Variants in PIK3C2G observed in about 807,000 individuals in gnomAD.
PIK3C2G encodes phosphatidylinositol 3-kinase C2 domain-containing subunit gamma.
Under a neutral mutation model 181.1 loss-of-function variants are expected in PIK3C2G, and 168 were observed. The observed-to-expected ratio is 0.93, with a 90% CI of 0.82 to 1.05. The LOEUF (loss-of-function observed/expected upper bound fraction) is 1.05. Ranked by LOEUF, PIK3C2G falls within the 50% of genes least tolerant of loss-of-function variation. The pLI is 0.00. For missense variants in PIK3C2G, 1,869 were observed against 1,732.8 expected (o/e 1.08, Z -1.40); for synonymous variants, 573 against 592.2 (o/e 0.97, Z 0.47).
chr12:18,670,905 G>T, the PIK3C2G span, among the ~76,000 whole-genome samples: 1 of 152,040 alleles, frequency 6.6e-6, no homozygotes, highest in African/African-American at 2.4e-5. Flanking sequence ...AGTTTCGGCC[G>T]GGCACAGTGG....
intron 14 of PIK3C2G, among the ~76,000 whole-genome samples, chr12:18,383,054 C>T (rs185042222): frequency 1.4e-4 from 21 of 152,162 alleles, no homozygotes; most frequent in African/African-American, 3.6e-4. Context: ...ACTCCACACA[C>T]GATATCTTAT....
chr12:18,550,890 C>T (rs1944694902), intron 26 of PIK3C2G, among the ~76,000 whole-genome samples: 1 of 152,020 alleles, frequency 6.6e-6, no homozygotes, highest in African/African-American at 2.4e-5. Flanking sequence ...AAGGGCTGCC[C>T]CTCTTGACCC....
At chr12:18,302,884 T>G (rs900565750) in intron 5 of PIK3C2G, among the ~76,000 whole-genome samples, 1 of 152,054 alleles carries the variant, frequency 6.6e-6, no homozygotes, top group Non-Finnish European at 1.5e-5. Flanking sequence ...CTAAGTCTTT[T>G]GTCAGGCTTC....
At chr12:18,359,640 G>A (rs371809217) in intron 11 of PIK3C2G, among the ~76,000 whole-genome samples, 8 of 152,188 alleles carry the variant, frequency 5.3e-5, no homozygotes, top group African/African-American at 1.9e-4. Flanking sequence ...CTGACGTTGG[G>A]TACAGATATA....
chr12:18,481,583 T>C (rs550735111), intron 18 of PIK3C2G, among the ~76,000 whole-genome samples: 1 of 152,276 alleles, frequency 6.6e-6, no homozygotes, highest in African/African-American at 2.4e-5. Context: ...TGACAACTAA[T>C]TGTGATAGTA....
chr12:18,322,381 C>CAAAA (rs201077149), intron 7 of PIK3C2G, among the ~76,000 whole-genome samples: 1 of 127,674 alleles, frequency 7.8e-6, no homozygotes, highest in African/African-American at 2.8e-5. Flanking sequence ...GACCTCATCT[C>CAAAA]AAAAAAAAAA....
chr12:18,696,151 C>A, the PIK3C2G span: 1 of 1,439,938 alleles, frequency 6.9e-7, no homozygotes, highest in African/African-American at 1.4e-5. Context: ...ATAACATACC[C>A]ATTTGACAAC....
At chr12:18,652,374 G>C (rs1950556462), downstream of PIK3C2G, among the ~76,000 whole-genome samples, 3 of 152,080 alleles carry the variant, frequency 2.0e-5, no homozygotes, top group Non-Finnish European at 4.4e-5. Flanking sequence ...GCATCTACAA[G>C]TCAAGGAATG....
intron 25 of PIK3C2G, 85 bp downstream of exon 25, chr12:18,538,397 A>C: frequency 8.6e-7 from 1 of 1,159,606 alleles, no homozygotes; most frequent in Non-Finnish European, 1.2e-6. Context: ...AATGGCTTGG[A>C]GTTCCCCAAG....
the PIK3C2G span, among the ~76,000 whole-genome samples, chr12:18,692,342 G>C: frequency 0.4 from 60,460 of 152,024 alleles, 13,273 homozygotes; most frequent in African/African-American, 0.58. Context: ...AAATAGAACT[G>C]CTCATAAGTA....
chr12:18,426,778 AAAG>A (rs1448032895), intron 18 of PIK3C2G, among the ~76,000 whole-genome samples: 1 of 152,218 alleles, frequency 6.6e-6, no homozygotes, highest in Non-Finnish European at 1.5e-5. Flanking sequence ...AAGATGTAGC[AAAG>A]AAGATACACA....
intron 11 of PIK3C2G, 80 bp downstream of exon 11, chr12:18,346,916 A>C (rs1430611864): frequency 1.2e-6 from 1 of 801,774 alleles, no homozygotes; most frequent in Non-Finnish European, 1.8e-6. Flanking sequence ...ATGTTCTTAT[A>C]TGCAGGAGCA....
chr12:18,543,252 G>A (rs569502280), intron 25 of PIK3C2G, among the ~76,000 whole-genome samples: 3 of 151,700 alleles, frequency 2.0e-5, no homozygotes, highest in Non-Finnish European at 2.9e-5. Context: ...GTTTTTCCTT[G>A]TAAATTTGTT....
chr12:18,603,883 G>T (rs889718206), intron 30 of PIK3C2G, among the ~76,000 whole-genome samples: 8 of 151,954 alleles, frequency 5.3e-5, no homozygotes, highest in African/African-American at 1.9e-4. Flanking sequence ...TCCAAATCTT[G>T]AAACAAATCC....
chr12:18,348,246 G>A (rs970234114), intron 11 of PIK3C2G, among the ~76,000 whole-genome samples: 3 of 151,600 alleles, frequency 2.0e-5, no homozygotes, highest in Non-Finnish European at 4.4e-5. Context: ...AATGCAAAAT[G>A]TAAAATATAT....
At chr12:18,277,928 T>A (rs1358749107) in intron 1 of PIK3C2G, among the ~76,000 whole-genome samples, 1 of 152,270 alleles carries the variant, frequency 6.6e-6, no homozygotes, top group Admixed American at 6.5e-5. Flanking sequence ...GCAACTGTGG[T>A]ACACTAAGGA....
intron 25 of PIK3C2G, among the ~76,000 whole-genome samples, chr12:18,538,550 G>T (rs1424902776): frequency 6.6e-6 from 1 of 151,870 alleles, no homozygotes; most frequent in Non-Finnish European, 1.5e-5. Context: ...GCAGGTAGGG[G>T]TTATCCCACT....
the PIK3C2G span, among the ~76,000 whole-genome samples, chr12:18,703,234 A>G: frequency 6.6e-6 from 1 of 152,208 alleles, no homozygotes; most frequent in African/African-American, 2.4e-5. Context: ...CTTATGCCAC[A>G]AAAGAACCGT....
chr12:18,428,216 T>G (rs1210598551), intron 18 of PIK3C2G, among the ~76,000 whole-genome samples: 1 of 151,926 alleles, frequency 6.6e-6, no homozygotes, highest in Non-Finnish European at 1.5e-5. Context: ...GCATCATATT[T>G]AGGGAGTGAC....
Sources: gnomAD v4.1 joint callset for allele counts (sites outside exome capture counted in the v4.1 genomes callset) on GRCh38, gnomAD v4.1.1 for gene constraint, MANE v1.5 for transcripts, NCBI Gene and HGNC (gene_info 2026-07-23, HGNC 2026-07-21) for gene names.